Variants in NIPBL observed in about 807,000 individuals in gnomAD.
The protein encoded by NIPBL is NIPBL cohesin loading factor, also known as nipped-B-like protein.
Under a neutral mutation model 321.8 loss-of-function variants are expected in NIPBL, and 19 were observed. The ratio of observed to expected loss-of-function variants is 0.06; its 90% CI spans 0.04 to 0.09. The LOEUF (loss-of-function observed/expected upper bound fraction) is 0.09, where lower values mean the gene tolerates loss of function less well. Among genes scored for constraint, NIPBL ranks in the 10% least tolerant of loss-of-function variants. NIPBL has a pLI of 1.00. For missense variants in NIPBL, 2,210 were observed against 3,327.0 expected (o/e 0.66, Z 8.26); for synonymous variants, 1,106 against 1,114.1 (o/e 0.99, Z 0.14).
chr5:36,918,501 T>C (rs1748658908), intron 1 of NIPBL, among the ~76,000 whole-genome samples: 1 of 152,130 alleles, frequency 6.6e-6, no homozygotes, highest in Admixed American at 6.5e-5. Flanking sequence ...CTTTTCCTAA[T>C]TGAATACCCT....
At chr5:36,964,030 A>C (rs1050036890) in intron 6 of NIPBL, among the ~76,000 whole-genome samples, 1 of 152,206 alleles carries the variant, frequency 6.6e-6, no homozygotes, top group African/African-American at 2.4e-5. Context: ...GTGTTTTCAC[A>C]AAATTAACTT....
chr5:36,929,382 A>G (rs1749606366), intron 1 of NIPBL, among the ~76,000 whole-genome samples: 1 of 152,056 alleles, frequency 6.6e-6, no homozygotes, highest in Non-Finnish European at 1.5e-5. Flanking sequence ...TGTCTTAAGT[A>G]AGTTCTTTGC....
rs569633552 is a variant in NIPBL at position 36,883,226 on chromosome 5, T to C, written c.-80+6048T>C. Among the ~76,000 whole-genome samples, 3 of 152,096 alleles carry C rather than the reference T, an allele frequency of 2.0e-5. No individual in the cohort carries two copies. The South Asian group carries it at 6.2e-4, about 31-fold the overall frequency. ...TTCAAAATAATTCATGTAGGTAAAT[T>C]GCTTTGCCATCTTACATGTGTGACA... On this transcript the variant is annotated intron_variant, in intron 1 of 46. Transcript: ENST00000282516.
At chr5:37,015,229 T>C (rs891853454) in intron 22 of NIPBL, among the ~76,000 whole-genome samples, 2 of 152,088 alleles carry the variant, frequency 1.3e-5, no homozygotes, top group African/African-American at 4.8e-5. Flanking sequence ...CTTCAAGCGA[T>C]TCTCCTGCCT....
chr5:37,058,461 C>G (rs971281348), intron 43 of NIPBL, among the ~76,000 whole-genome samples: 3 of 152,186 alleles, frequency 2.0e-5, no homozygotes, highest in African/African-American at 7.2e-5. Flanking sequence ...GAGAAAATTG[C>G]TTATTATCTT....
At chr5:37,039,022 T>C (rs1752034195) in intron 34 of NIPBL, among the ~76,000 whole-genome samples, 1 of 152,158 alleles carries the variant, frequency 6.6e-6, no homozygotes, top group Non-Finnish European at 1.5e-5. Context: ...AGTTCCTCTC[T>C]TTGAGAAATT....
At position 36,946,570 on chromosome 5, in the gene NIPBL, G is replaced by A. The variant is rs924303456; in HGVS notation, c.-79-7048G>A. 1.7e-4 allele frequency among the ~76,000 whole-genome samples: 19 copies of A among 114,810 alleles called. No individual in the cohort carries two copies. In the Admixed American group the frequency reaches 1.7e-3, roughly 10 times the overall value. 75.3% of individuals were successfully genotyped at this position (114,810 alleles called of 152,430 possible). A position where few individuals can be genotyped will look rare whatever the true frequency, so the allele number is the denominator to read the frequency against. On this transcript the variant is annotated intron_variant, in intron 1 of 46. Transcript: ENST00000282516. Reference sequence around the variant, plus strand: ...TGTGTGTGTGTGTATATATATGCATGTGTCTGTGTGTGTGTATATGTATAT... The same window carrying A: ...TGTGTGTGTGTGTATATATATGCATATGTCTGTGTGTGTGTATATGTATAT...
At chr5:36,942,707 C>T (rs1352066085) in intron 1 of NIPBL, among the ~76,000 whole-genome samples, 1 of 148,144 alleles carries the variant, frequency 6.8e-6, no homozygotes, top group Admixed American at 6.8e-5. Context: ...CACCACTGCA[C>T]TTCAGCCTGG....
intron 32 of NIPBL, among the ~76,000 whole-genome samples, chr5:37,033,004 T>C (rs1751245845): frequency 6.6e-6 from 1 of 152,230 alleles, no homozygotes; most frequent in South Asian, 2.1e-4. Flanking sequence ...TTACTTCTTA[T>C]TTATATTATA....
chr5:36,984,548 TATTTGC>T, intron 9 of NIPBL, 122 bp from the exon 10 acceptor site: 1 of 742,700 alleles, frequency 1.3e-6, no homozygotes, highest in Non-Finnish European at 2.1e-6. Flanking sequence ...TATGTGTACA[TATTTGC>T]ATTTGCATTT....
chr5:36,998,121 G>A (rs1235317318), intron 11 of NIPBL, among the ~76,000 whole-genome samples: 1 of 152,028 alleles, frequency 6.6e-6, no homozygotes, highest in Non-Finnish European at 1.5e-5. Flanking sequence ...GGAAAGAGAA[G>A]ATAGAGAACA....
intron 24 of NIPBL, among the ~76,000 whole-genome samples, chr5:37,017,781 C>CTATA (rs1235729237): frequency 6.6e-6 from 1 of 150,970 alleles, no homozygotes; most frequent in Non-Finnish European, 1.5e-5. Context: ...TTTTTTTTAG[C>CTATA]TATAGTTCGT....
At chr5:37,033,730 A>ATATATATATAT in intron 32 of NIPBL, among the ~76,000 whole-genome samples, 1 of 21,506 alleles carries the variant, frequency 4.6e-5, no homozygotes, top group African/African-American at 2.0e-4. Flanking sequence ...ATATATATAT[A>ATATATATATAT]TTTTTTTTTT....
At chr5:36,930,690 C>T (rs1749712615) in intron 1 of NIPBL, among the ~76,000 whole-genome samples, 2 of 152,008 alleles carry the variant, frequency 1.3e-5, no homozygotes, top group Admixed American at 6.6e-5. Context: ...CATAGATGCT[C>T]TTTATTAGGT....
chr5:36,906,332 G>A (rs1006783561), intron 1 of NIPBL, among the ~76,000 whole-genome samples: 1 of 152,092 alleles, frequency 6.6e-6, no homozygotes, highest in African/African-American at 2.4e-5. Flanking sequence ...ACAGTGATAC[G>A]AATAATATTA....
chr5:36,941,896 A>G (rs901598335), intron 1 of NIPBL, among the ~76,000 whole-genome samples: 4 of 152,128 alleles, frequency 2.6e-5, no homozygotes, highest in African/African-American at 7.2e-5. Context: ...TTCATTGACC[A>G]TGAGTATATT....
chr5:36,971,912 A>G, intron 7 of NIPBL, 33 bp from the exon 8 acceptor site: 1 of 1,586,166 alleles, frequency 6.3e-7, no homozygotes, highest in Non-Finnish European at 8.7e-7. Flanking sequence ...CTCTCCTGTC[A>G]TTCAAAAGAT....
intron 1 of NIPBL, among the ~76,000 whole-genome samples, chr5:36,922,652 A>G (rs72734685): frequency 0.018 from 2,713 of 152,264 alleles, 34 homozygotes; most frequent in Middle Eastern, 0.044. Context: ...GGATTTGACT[A>G]TCTTACTCAT....
rs760712544 is a variant in NIPBL, at chr5:36,984,867, T to G, written c.1687T>G (p.Ser563Ala). 8 of 1,613,660 alleles carry G rather than the reference T, an allele frequency of 5.0e-6. No homozygotes were observed. Among genetic ancestry groups the G allele is most frequent in the Middle Eastern group, 1.6e-4 (1 of 6,080 alleles). Residue 563 changes from serine to alanine, a missense_variant, in exon 10 of 47, where the codon TCC becomes GCC. By Grantham distance (99) the Ser-to-Ala change is moderately conservative. This residue lies in a region of NIPBL where 588 missense variants were observed against 564.1 expected (regional missense o/e 1.04). Transcript: ENST00000282516. ...GGCTTCTATAACTCAGGATTCAGAC[T>G]CCATAAAAAAGCCTGAAGAAATCAA... ...SQASITQDSD[S>A]IKKPEEIKQC...
Sources: gnomAD v4.1 joint callset for allele counts (sites outside exome capture counted in the v4.1 genomes callset) on GRCh38, gnomAD v4.1.1 for gene constraint, gnomAD v4.1.1 regional missense constraint, MANE v1.5 for transcripts, NCBI Gene and HGNC (gene_info 2026-07-23, HGNC 2026-07-21) for gene names.